Variants in LRRC18 observed in about 807,000 individuals in gnomAD.
LRRC18 encodes the protein leucine-rich repeat-containing protein 18.
A neutral mutation model predicts 11.2 loss-of-function variants in LRRC18; 12 were observed. That is an observed-to-expected ratio of 1.07 (90% CI 0.69 to 1.74). The LOEUF (loss-of-function observed/expected upper bound fraction) is 1.74, where lower values mean the gene tolerates loss of function less well. Ranked by LOEUF, LRRC18 falls within the 40% of genes most tolerant of loss-of-function variation. The pLI, the probability that LRRC18 is intolerant of heterozygous loss-of-function variation, is 0.00. For missense variants in LRRC18, 374 were observed against 330.5 expected (o/e 1.13, Z -1.02); for synonymous variants, 155 against 130.6 (o/e 1.19, Z -1.27).
chr10:48,930,463 C>G, the LRRC18 span, among the ~76,000 whole-genome samples: 1 of 152,096 alleles, frequency 6.6e-6, no homozygotes. Context: ...GGAGAGTGAT[C>G]AGTAGCATCG....
chr10:48,921,942 T>C, the LRRC18 span, among the ~76,000 whole-genome samples: 1 of 152,172 alleles, frequency 6.6e-6, no homozygotes, highest in Admixed American at 6.5e-5. Context: ...AGTTATTATA[T>C]CATCTGGCAT....
chr10:48,919,329 A>G, the LRRC18 span, among the ~76,000 whole-genome samples: 4 of 152,240 alleles, frequency 2.6e-5, no homozygotes, highest in Non-Finnish European at 5.9e-5. Context: ...AAACTACTAA[A>G]TATTTGCGAA....
chr10:48,927,154 T>G, the LRRC18 span, among the ~76,000 whole-genome samples: 1 of 152,124 alleles, frequency 6.6e-6, no homozygotes, highest in East Asian at 1.9e-4. Flanking sequence ...AAGTCTAACC[T>G]CTCGTTAAGT....
intron 1 of LRRC18, among the ~76,000 whole-genome samples, chr10:48,912,183 C>G (rs552564732): frequency 6.6e-6 from 1 of 152,358 alleles, no homozygotes; most frequent in South Asian, 2.1e-4. Context: ...TGGTTGCTGT[C>G]ATTTTCTACC....
exon 2 of LRRC18, chr10:48,909,617 TAGTG>T (rs1837826398): frequency 6.6e-6 from 1 of 152,160 alleles, no homozygotes; most frequent in Admixed American, 6.6e-5. Context: ...AGGCATCACA[TAGTG>T]AGAGGAAGAG....
upstream of LRRC18, among the ~76,000 whole-genome samples, chr10:48,916,560 G>A (rs1838555277): frequency 6.6e-6 from 1 of 152,164 alleles, no homozygotes; most frequent in South Asian, 2.1e-4. Context: ...GGCTCTAGAG[G>A]CAGAAACAGT....
Position 48,912,062 on chromosome 10 carries a change from A to G in LRRC18, c.764+1330T>C, listed in dbSNP as rs529568779. Reference sequence around the variant, plus strand: ...AACATAGGAAAGTCCTGGGGGAAAAAAGCCTCCCTCAAGGTATCATTCTTG... The same window carrying G: ...AACATAGGAAAGTCCTGGGGGAAAAGAGCCTCCCTCAAGGTATCATTCTTG... On this transcript the variant is annotated intron_variant, in intron 1 of 1. Coordinates refer to ENST00000374160, the Ensembl canonical transcript of LRRC18. Among the ~76,000 whole-genome samples the G allele has an allele frequency of 2.0e-5, 3 of 152,350 alleles. No individual in the cohort carries two copies. In the South Asian group the frequency reaches 6.2e-4, roughly 32 times the overall value.
the LRRC18 span, among the ~76,000 whole-genome samples, chr10:48,933,522 G>A: frequency 6.6e-6 from 1 of 152,198 alleles, no homozygotes; most frequent in African/African-American, 2.4e-5. Context: ...ATCATGTTCT[G>A]CAGATGCTGG....
At chr10:48,929,885 A>C in the LRRC18 span, among the ~76,000 whole-genome samples, 1 of 151,778 alleles carries the variant, frequency 6.6e-6, no homozygotes, top group Non-Finnish European at 1.5e-5. Flanking sequence ...ACCCCCAATT[A>C]ATAAAGCAGA....
the LRRC18 span, among the ~76,000 whole-genome samples, chr10:48,923,291 G>A: frequency 3.9e-4 from 59 of 151,926 alleles, no homozygotes; most frequent in Middle Eastern, 3.4e-3. Context: ...ACAGATGTTC[G>A]CAAGCTGGCA....
At chr10:48,912,068 C>T (rs1364816372) in intron 1 of LRRC18, among the ~76,000 whole-genome samples, 1 of 152,212 alleles carries the variant, frequency 6.6e-6, no homozygotes, top group Non-Finnish European at 1.5e-5. Context: ...AAAAAAGCCT[C>T]CCTCAAGGTA....
At chr10:48,930,435 C>A in the LRRC18 span, among the ~76,000 whole-genome samples, 3 of 152,188 alleles carry the variant, frequency 2.0e-5, no homozygotes, top group Non-Finnish European at 4.4e-5. Context: ...ACCATGAGAA[C>A]AAGTGCACTA....
Position 48,913,663 on chromosome 10 carries a change from TG to T in LRRC18, c.492del (p.Lys165SerfsTer5). The T allele has an allele frequency of 1.2e-6, 2 of 1,613,744 alleles. No homozygotes were observed. Among genetic ancestry groups the T allele is most frequent in the South Asian group, 2.2e-5 (2 of 91,066 alleles). On this transcript the variant is annotated frameshift_variant, in exon 1 of 2. Transcript: ENST00000374160. LOFTEE classifies it high-confidence loss of function. The stretch of plus-strand genomic sequence containing the variant: ...TTGAGCTTTTTCAGCTTGGGGAGCT[TG>T]GAGATGCTCACGGGGATGTTGTTCA...
At chr10:48,935,146 A>G in the LRRC18 span, 1 of 152,236 alleles carries the variant, frequency 6.6e-6, no homozygotes, top group Non-Finnish European at 1.5e-5. Flanking sequence ...TAAATCGATA[A>G]GCGCAGGGCC....
chr10:48,937,743 T>C, the LRRC18 span, among the ~76,000 whole-genome samples: 1 of 152,224 alleles, frequency 6.6e-6, no homozygotes, highest in Non-Finnish European at 1.5e-5. Context: ...GAGCTGTTCA[T>C]CCAGCAGGGT....
At chr10:48,937,747 G>A in the LRRC18 span, among the ~76,000 whole-genome samples, 1 of 152,218 alleles carries the variant, frequency 6.6e-6, no homozygotes, top group Non-Finnish European at 1.5e-5. Flanking sequence ...TGTTCATCCA[G>A]CAGGGTGTCT....
In LRRC18 at chr10:48,913,521, C is replaced by T. The variant is rs532434669; in HGVS notation, c.635G>A (p.Arg212Lys). 8.4e-5 allele frequency: 136 copies of T among 1,613,862 alleles called. No individual in the cohort carries two copies. The highest frequency in any genetic ancestry group is 4.9e-4 in the Middle Eastern group (3 of 6,062). ...GTTGTCCCGGGCGTTTTGGCATTTT[C>T]TCAGGCAAGCCGCACACAGATCCTT... is the stretch of plus-strand genomic sequence containing the variant. Residue 212 changes from arginine to lysine, a missense_variant, in exon 1 of 2, where the codon AGA becomes AAA. Physicochemically the swap from Arg to Lys is conservative, Grantham distance 26. Transcript: ENST00000374160.
At chr10:48,918,894 CAAA>C (rs1838792949), upstream of LRRC18, among the ~76,000 whole-genome samples, 1 of 152,158 alleles carries the variant, frequency 6.6e-6, no homozygotes, top group African/African-American at 2.4e-5. Flanking sequence ...TTGACATTGC[CAAA>C]TGTCCACTGA....
chr10:48,939,631 A>G, the LRRC18 span, among the ~76,000 whole-genome samples: 1 of 152,236 alleles, frequency 6.6e-6, no homozygotes, highest in Non-Finnish European at 1.5e-5. Context: ...TTAAAGAAAT[A>G]CTTTCAACTA....
Sources: allele counts gnomAD v4.1 joint callset (sites outside exome capture counted in the v4.1 genomes callset), GRCh38; gene constraint gnomAD v4.1.1; transcripts MANE v1.5; gene names NCBI Gene and HGNC (gene_info 2026-07-23, HGNC 2026-07-21).